VAV3: variants seen among roughly 807,000 people sequenced by gnomAD.
VAV3 encodes the protein guanine nucleotide exchange factor VAV3.
VAV3 carries 94 observed loss-of-function variants against 131.2 expected under a neutral mutation model. That is an observed-to-expected ratio of 0.72 (90% CI 0.61 to 0.85). VAV3 has a LOEUF of 0.85. VAV3 is among the 40% of genes least tolerant of loss of function. VAV3 has a pLI of 0.00. For synonymous variants in VAV3, 349 were observed against 342.0 expected (o/e 1.02, Z -0.22); for missense variants, 939 against 1,002.7 (o/e 0.94, Z 0.86).
intron 2 of VAV3, among the ~76,000 whole-genome samples, chr1:107,829,425 A>C (rs1483320904): frequency 6.6e-6 from 1 of 152,236 alleles, no homozygotes; most frequent in African/African-American, 2.4e-5. Flanking sequence ...AGTGTATTAG[A>C]ATTAATTCTG....
Position 107,645,173 on chromosome 1 carries a change from CAA to C in VAV3, c.1778-2420_1778-2419del, listed in dbSNP as rs376760794. Among the ~76,000 whole-genome samples the C allele has an allele frequency of 3.7e-4, 56 of 152,088 alleles. No homozygotes were observed. In the East Asian group the frequency reaches 0.01, roughly 28 times the overall value. ...CAAAGCAAAAATGTGTAACCCTTGC[CAA>C]GAATTATGCTTAAGCCCAGGAAATA... On this transcript the variant is annotated intron_variant, in intron 19 of 26. Coordinates refer to ENST00000370056, the MANE Select transcript of VAV3 (RefSeq NM_006113.5).
intron 2 of VAV3, among the ~76,000 whole-genome samples, chr1:107,821,812 G>T (rs1233385748): frequency 1.3e-5 from 2 of 152,184 alleles, no homozygotes; most frequent in African/African-American, 4.8e-5. Context: ...CGAAATGCAG[G>T]TTTCCTCACT....
Position 107,574,046 on chromosome 1 carries a change from C to T in VAV3, c.2502+1G>A. The T allele has an allele frequency of 1.2e-6, 2 of 1,613,746 alleles. No homozygotes were observed. The highest frequency in any genetic ancestry group is 8.5e-7 in the Non-Finnish European group (1 of 1,179,800). ...CCAGCACATCGAGAGGGCCAACTTA[C>T]CCTGCCATTTACTTCTCCTCTCCAC... On this transcript the variant is annotated splice_donor_variant, in intron 26 of 26. Transcript: ENST00000370056. LOFTEE classifies it high-confidence loss of function.
At chr1:107,610,278 C>T (rs997212396) in intron 21 of VAV3, among the ~76,000 whole-genome samples, 2 of 152,028 alleles carry the variant, frequency 1.3e-5, no homozygotes, top group South Asian at 2.1e-4. Context: ...CCAAAGAAAA[C>T]TAAAGTGAAA....
intron 2 of VAV3, among the ~76,000 whole-genome samples, chr1:107,816,228 T>A (rs564719584): frequency 6.6e-6 from 1 of 152,332 alleles, no homozygotes; most frequent in Non-Finnish European, 1.5e-5. Flanking sequence ...TTGATGAATC[T>A]ATACTTGAAT....
chr1:107,668,064 T>C (rs1472744225), intron 19 of VAV3, among the ~76,000 whole-genome samples: 1 of 152,178 alleles, frequency 6.6e-6, no homozygotes, highest in African/African-American at 2.4e-5. Flanking sequence ...AGCCTTCACA[T>C]CAAGGTCATA....
chr1:107,638,711 G>A (rs565577213), intron 20 of VAV3, among the ~76,000 whole-genome samples: 1 of 152,044 alleles, frequency 6.6e-6, no homozygotes, highest in African/African-American at 2.4e-5. Context: ...AAGGACCAAG[G>A]AAACCCAAAA....
At chr1:107,831,917 C>G (rs988260166) in intron 2 of VAV3, among the ~76,000 whole-genome samples, 7 of 152,176 alleles carry the variant, frequency 4.6e-5, no homozygotes, top group Non-Finnish European at 4.4e-5. Context: ...GGAAAAGCTC[C>G]TTGAGGAATC....
intron 1 of VAV3, among the ~76,000 whole-genome samples, chr1:107,952,466 C>CTATATATATA (rs1674588104): frequency 4.5e-5 from 1 of 22,336 alleles, no homozygotes; most frequent in Non-Finnish European, 2.0e-4. Flanking sequence ...TATAACAAAA[C>CTATATATATA]TTTATATATA....
intron 2 of VAV3, among the ~76,000 whole-genome samples, chr1:107,831,642 T>A (rs1052157372): frequency 1.3e-5 from 2 of 152,226 alleles, no homozygotes; most frequent in African/African-American, 2.4e-5. Flanking sequence ...TTTGGATATA[T>A]CCTTCCTTGC....
chr1:107,573,404 T>G (rs756328146), intron 26 of VAV3, 32 bp from the exon 27 acceptor site: 1 of 1,613,524 alleles, frequency 6.2e-7, no homozygotes, highest in East Asian at 2.2e-5. Flanking sequence ...CACAGCAACA[T>G]GACTTTGTAT....
chr1:107,714,276 C>T (rs528279568), intron 15 of VAV3, among the ~76,000 whole-genome samples: 32 of 152,190 alleles, frequency 2.1e-4, no homozygotes, highest in East Asian at 1.9e-4. Flanking sequence ...TTCTTCTTCC[C>T]TTAGAATTAC....
At chr1:107,959,974 C>T (rs1675002951) in intron 1 of VAV3, among the ~76,000 whole-genome samples, 1 of 152,168 alleles carries the variant, frequency 6.6e-6, no homozygotes, top group African/African-American at 2.4e-5. Context: ...TTCTCATATC[C>T]CTAATCTAGT....
intron 19 of VAV3, among the ~76,000 whole-genome samples, chr1:107,658,398 G>A (rs1041281107): frequency 3.3e-5 from 5 of 152,168 alleles, no homozygotes; most frequent in African/African-American, 9.7e-5. Context: ...GAATAGTGCT[G>A]CAATAAACAT....
chr1:107,906,728 A>T (rs1231976831), intron 1 of VAV3, among the ~76,000 whole-genome samples: 1 of 152,148 alleles, frequency 6.6e-6, no homozygotes, highest in Non-Finnish European at 1.5e-5. Flanking sequence ...ATAACAGATC[A>T]TCTCTAAATA....
intron 17 of VAV3, among the ~76,000 whole-genome samples, chr1:107,692,105 C>T (rs1424322138): frequency 6.6e-6 from 1 of 152,030 alleles, no homozygotes; most frequent in Non-Finnish European, 1.5e-5. Context: ...ATTACCAGTA[C>T]AGTTTTTGAA....
At position 107,742,778 on chromosome 1, in the gene VAV3, T is replaced by A. The variant is rs372544079; in HGVS notation, c.1502+6190A>T. On this transcript the variant is annotated intron_variant, in intron 15 of 26. Transcript: ENST00000370056. ...GAAGTAAAACTGAAACGACCTCAGA[T>A]TCTAACAGGCAGAGGGATTGTTGGA... Among the ~76,000 whole-genome samples, 516 of 152,336 alleles carry A rather than the reference T, an allele frequency of 3.4e-3. 4 individuals are homozygous for A. The highest frequency in any genetic ancestry group is 0.012 in the African/African-American group (498 of 41,582).
intron 1 of VAV3, among the ~76,000 whole-genome samples, chr1:107,912,737 C>T (rs563121083): frequency 1.3e-5 from 2 of 152,318 alleles, no homozygotes; most frequent in African/African-American, 2.4e-5. Flanking sequence ...GCATCTGCAC[C>T]TCTTCTGGAA....
intron 1 of VAV3, among the ~76,000 whole-genome samples, chr1:107,943,418 T>C (rs906644798): frequency 1.3e-5 from 2 of 152,164 alleles, no homozygotes; most frequent in African/African-American, 4.8e-5. Flanking sequence ...GTGAAGCCAA[T>C]TTATCATTTC....
Sources: allele counts gnomAD v4.1 joint callset (sites outside exome capture counted in the v4.1 genomes callset), GRCh38; gene constraint gnomAD v4.1.1; transcripts MANE v1.5; gene names NCBI Gene and HGNC (gene_info 2026-07-23, HGNC 2026-07-21).